GAS2: variants seen among roughly 807,000 people sequenced by gnomAD.
The protein encoded by GAS2 is growth arrest-specific protein 2.
Under a neutral mutation model 37.5 loss-of-function variants are expected in GAS2, and 20 were observed. That is an observed-to-expected ratio of 0.53 (90% CI 0.37 to 0.77). GAS2 has a LOEUF of 0.77. Among genes scored for constraint, GAS2 ranks in the 30% least tolerant of loss-of-function variants. The pLI is 0.00. For synonymous variants in GAS2, 144 were observed against 132.2 expected, an observed-to-expected ratio of 1.09 and a Z score of -0.61; for missense variants, 336 against 373.4, an observed-to-expected ratio of 0.90 and a Z score of 0.82.
Position 22,706,798 on chromosome 11 carries a change from T to A in GAS2, c.268-19494T>A, listed in dbSNP as rs551288343. On this transcript the variant is annotated intron_variant, in intron 3 of 7. Transcript: ENST00000454584. ...TGAATAGTGCTGCAATAAACATATG[T>A]GTGCATGTGTCTTTATAGCAGCATG... 3.0e-3 allele frequency among the ~76,000 whole-genome samples: 457 copies of A among 151,902 alleles called. 1 individual carries two copies. Among genetic ancestry groups the A allele is most frequent in the African/African-American group, 0.01 (423 of 41,384 alleles).
In GAS2 at chr11:22,804,538, C is replaced by T. The variant is rs78633283; in HGVS notation, c.724-7260C>T. Among the ~76,000 whole-genome samples the T allele has an allele frequency of 1.5e-4, 23 of 152,064 alleles. No individual in the cohort carries two copies. In the East Asian group the frequency reaches 3.9e-3, roughly 26 times the overall value. ...AAGCAAAGTGTACTGTAGGTTGTAC[C>T]GTGATGAGCAAGTGAAGACACCAAG... On this transcript the variant is annotated intron_variant, in intron 7 of 7. Transcript: ENST00000454584.
chr11:22,709,664 T>A (rs1851299280), intron 3 of GAS2, among the ~76,000 whole-genome samples: 1 of 152,170 alleles, frequency 6.6e-6, no homozygotes. Context: ...TTACTGGGTA[T>A]ATACCCAAAG....
chr11:22,702,057 T>C (rs978005570), intron 3 of GAS2, among the ~76,000 whole-genome samples: 2 of 152,192 alleles, frequency 1.3e-5, no homozygotes, highest in Admixed American at 6.5e-5. Flanking sequence ...TGCCATATAA[T>C]ATAAATACAG....
chr11:22,634,127 G>A (rs777944710), intron 1 of GAS2, among the ~76,000 whole-genome samples: 5 of 152,134 alleles, frequency 3.3e-5, no homozygotes, highest in African/African-American at 1.2e-4. Context: ...CATTCATGGC[G>A]GAACATGAAG....
At chr11:22,645,520 T>TACAC (rs375060682) in intron 1 of GAS2, among the ~76,000 whole-genome samples, 1 of 150,514 alleles carries the variant, frequency 6.6e-6, no homozygotes, top group East Asian at 2.0e-4. Context: ...TATATATATA[T>TACAC]ACACACACAC....
Position 22,651,804 on chromosome 11 carries a change from C to G in GAS2, c.-20-23046C>G, listed in dbSNP as rs1848779843. On this transcript the variant is annotated intron_variant, in intron 1 of 5. Transcript: ENST00000528582. ...TAAGCACTTCTCTGTATTGGTTATT[C>G]TAGTTATACATTCTTCTAAACTTTT... 3.3e-5 allele frequency among the ~76,000 whole-genome samples: 5 copies of G among 152,138 alleles called. No homozygotes were observed. The South Asian group carries it at 1.0e-3, about 32-fold the overall frequency.
chr11:22,698,343 C>T (rs1328042569), intron 3 of GAS2, among the ~76,000 whole-genome samples: 2 of 151,996 alleles, frequency 1.3e-5, no homozygotes, highest in Admixed American at 6.6e-5. Context: ...TCTGAATAGA[C>T]CAATAACAGG....
chr11:22,799,977 G>C (rs1017396568), intron 7 of GAS2, among the ~76,000 whole-genome samples: 1 of 152,048 alleles, frequency 6.6e-6, no homozygotes, highest in Non-Finnish European at 1.5e-5. Flanking sequence ...ACAATTCTCT[G>C]CATGTATAAA....
chr11:22,779,572 C>G (rs1007791254), intron 7 of GAS2, among the ~76,000 whole-genome samples: 2 of 152,080 alleles, frequency 1.3e-5, no homozygotes, highest in African/African-American at 2.4e-5. Flanking sequence ...GTGGCATGCA[C>G]CTGTAATCCC....
chr11:22,667,613 T>C (rs187013105), intron 1 of GAS2, among the ~76,000 whole-genome samples: 5 of 152,358 alleles, frequency 3.3e-5, no homozygotes, highest in African/African-American at 1.2e-4. Flanking sequence ...GCAATTTTGC[T>C]TTGGAGACAT....
chr11:22,749,032 C>T (rs546279407), intron 5 of GAS2, 88 bp from the exon 6 acceptor site: 1 of 1,234,330 alleles, frequency 8.1e-7, no homozygotes, highest in East Asian at 2.4e-5. Flanking sequence ...CAGTGATTTA[C>T]TCCCATGGTG....
intron 1 of GAS2, among the ~76,000 whole-genome samples, chr11:22,629,094 C>T (rs1021208452): frequency 6.6e-5 from 10 of 151,976 alleles, no homozygotes; most frequent in Admixed American, 6.5e-4. Context: ...ATGTTGGTTC[C>T]GTATCTTTGC....
At chr11:22,699,061 G>A (rs1430773164) in intron 3 of GAS2, among the ~76,000 whole-genome samples, 7 of 152,064 alleles carry the variant, frequency 4.6e-5, no homozygotes, top group Admixed American at 6.6e-5. Context: ...TTCTTTTCTA[G>A]CCCCTGTGTA....
intron 1 of GAS2, among the ~76,000 whole-genome samples, chr11:22,631,869 G>A (rs1858748477): frequency 6.7e-6 from 1 of 150,170 alleles, no homozygotes; most frequent in Non-Finnish European, 1.5e-5. Flanking sequence ...TCAATCTTTT[G>A]CAATAGTTTC....
intron 1 of GAS2, 77 bp from the exon 2 acceptor site, chr11:22,674,773 C>A: frequency 1.8e-6 from 2 of 1,131,908 alleles, no homozygotes; most frequent in Non-Finnish European, 2.5e-6. Context: ...GGATCCAGTT[C>A]ATTATAATGT....
At chr11:22,697,894 G>A (rs1590658734) in intron 3 of GAS2, among the ~76,000 whole-genome samples, 1 of 152,166 alleles carries the variant, frequency 6.6e-6, no homozygotes, top group East Asian at 1.9e-4. Flanking sequence ...CTGCAAACAG[G>A]GACAATTTGA....
At chr11:22,709,970 CAT>C (rs1851314819) in intron 3 of GAS2, among the ~76,000 whole-genome samples, 1 of 135,410 alleles carries the variant, frequency 7.4e-6, no homozygotes, top group African/African-American at 2.8e-5. Context: ...AATGAGAACA[CAT>C]AGACACAGGA....
At chr11:22,695,914 G>A (rs1850484046) in intron 3 of GAS2, among the ~76,000 whole-genome samples, 1 of 151,888 alleles carries the variant, frequency 6.6e-6, no homozygotes, top group East Asian at 1.9e-4. Flanking sequence ...TTCTTCCTAT[G>A]CAAATATTTC....
At chr11:22,804,630 G>A (rs1358178771) in intron 7 of GAS2, among the ~76,000 whole-genome samples, 1 of 152,064 alleles carries the variant, frequency 6.6e-6, no homozygotes, top group East Asian at 1.9e-4. Flanking sequence ...GGAAATTAAT[G>A]AGAGTTAGAA....
Sources: gnomAD v4.1 joint callset for allele counts (sites outside exome capture counted in the v4.1 genomes callset) on GRCh38, gnomAD v4.1.1 for gene constraint, MANE v1.5 for transcripts, NCBI Gene and HGNC (gene_info 2026-07-23, HGNC 2026-07-21) for gene names.